The following CSRNP3 variants were observed in gnomAD, a reference collection of about 807,000 sequenced individuals.
CSRNP3 encodes cysteine and serine rich nuclear protein 3.
Under a neutral mutation model 48.0 loss-of-function variants are expected in CSRNP3, and 12 were observed. The ratio of observed to expected loss-of-function variants is 0.25; its 90% CI spans 0.16 to 0.41. The LOEUF (loss-of-function observed/expected upper bound fraction) is 0.41, where lower values mean the gene tolerates loss of function less well. CSRNP3 is among the 10% of genes least tolerant of loss of function. CSRNP3 has a pLI of 1.00. For synonymous variants in CSRNP3, 263 were observed against 269.7 expected (o/e 0.98, Z 0.24); for missense variants, 580 against 724.4 (o/e 0.80, Z 2.29).
intron 3 of CSRNP3, among the ~76,000 whole-genome samples, chr2:165,527,388 G>T (rs1437022214): frequency 6.6e-6 from 1 of 151,660 alleles, no homozygotes; most frequent in African/African-American, 2.4e-5. Flanking sequence ...TGTATTTTTA[G>T]TAGAGACGGC....
chr2:165,508,734 G>A (rs1684461137), intron 2 of CSRNP3, among the ~76,000 whole-genome samples: 2 of 152,054 alleles, frequency 1.3e-5, no homozygotes, highest in South Asian at 4.1e-4. Context: ...TCATTGGACA[G>A]CACCTTATGG....
At chr2:165,627,767 G>A (rs1686462458) in intron 4 of CSRNP3, among the ~76,000 whole-genome samples, 1 of 152,126 alleles carries the variant, frequency 6.6e-6, no homozygotes, top group South Asian at 2.1e-4. Flanking sequence ...TGGTTGAAAA[G>A]ATGTCCTTAT....
At position 165,678,740 on chromosome 2, in the gene CSRNP3, G is replaced by A. The variant is rs777480593; in HGVS notation, c.745G>A (p.Gly249Arg). The A allele has an allele frequency of 6.2e-7, 1 of 1,614,058 alleles. No individual in the cohort carries two copies. The highest frequency in any genetic ancestry group is 8.5e-7 in the Non-Finnish European group (1 of 1,179,988). ...TTTCCCATGCGGCTGCACTAAAGAA[G>A]GATGTAGTAACACAGCAGGTAGAAT... ...MSFPCGCTKE[G>R]CSNTAGRIEF... Residue 249 changes from glycine to arginine, a missense_variant, in exon 7 of 7, where the codon GGA (glycine) becomes AGA (arginine). Coordinates refer to ENST00000651982, the MANE Select transcript of CSRNP3 (RefSeq NM_001172173.2).
intron 4 of CSRNP3, among the ~76,000 whole-genome samples, chr2:165,596,508 A>G (rs1253430313): frequency 6.6e-6 from 1 of 152,232 alleles, no homozygotes; most frequent in Non-Finnish European, 1.5e-5. Flanking sequence ...AAATAAATAT[A>G]GTAAAATCAA....
At chr2:165,482,644 C>T (rs1387716410) in intron 1 of CSRNP3, among the ~76,000 whole-genome samples, 1 of 152,152 alleles carries the variant, frequency 6.6e-6, no homozygotes, top group Non-Finnish European at 1.5e-5. Context: ...TACCTTTCAG[C>T]CCAAAGGGAG....
intron 3 of CSRNP3, among the ~76,000 whole-genome samples, chr2:165,524,286 G>A (rs1311428211): frequency 1.3e-5 from 2 of 151,966 alleles, no homozygotes; most frequent in Admixed American, 6.6e-5. Flanking sequence ...CTACTTGGGG[G>A]AAAATAAGGT....
chr2:165,477,592 C>T (rs1683981635), intron 1 of CSRNP3, among the ~76,000 whole-genome samples: 1 of 149,298 alleles, frequency 6.7e-6, no homozygotes, highest in Non-Finnish European at 1.5e-5. Context: ...TCGCTTGAAC[C>T]CGGGAGGCGG....
intron 4 of CSRNP3, among the ~76,000 whole-genome samples, chr2:165,625,652 A>C (rs1424406390): frequency 6.7e-6 from 1 of 149,730 alleles, no homozygotes; most frequent in Non-Finnish European, 1.5e-5. Flanking sequence ...AAAAGAAAAA[A>C]GAAACGAAAA....
At position 165,676,479 on chromosome 2, in the gene CSRNP3, A is replaced by G; in HGVS notation, c.576A>G (p.Lys192=). Residue 192 remains lysine (K), a synonymous_variant, in exon 6 of 7, where the codon AAA becomes AAG. Transcript: ENST00000651982. Reference sequence around the variant, plus strand: ...CTCTGCTGCGTGCCTCTGGAGTGAAAAAGATTGACGTGGAAGAAAAGCACG... The same window carrying G: ...CTCTGCTGCGTGCCTCTGGAGTGAAGAAGATTGACGTGGAAGAAAAGCACG... ...RRALLRASGV[K]KIDVEEKHEL... is the part of the protein sequence containing the mutation. 1 of 1,614,174 alleles carries G rather than the reference A, an allele frequency of 6.2e-7. No homozygotes were observed. Among genetic ancestry groups the G allele is most frequent in the Non-Finnish European group, 8.5e-7 (1 of 1,180,010 alleles).
chr2:165,654,698 C>T lies in CSRNP3; in HGVS notation c.149-3063C>T, dbSNP rs562810093. On this transcript the variant is annotated intron_variant, in intron 4 of 6. Coordinates refer to ENST00000651982, the MANE Select transcript of CSRNP3 (RefSeq NM_001172173.2). ...AGGCTGGAGTGCAGTGGTGTGATTT[C>T]GGCTCACTGCAACCTCCACCTCTCA... Among the ~76,000 whole-genome samples, 7 of 152,192 alleles carry T rather than the reference C, an allele frequency of 4.6e-5. No homozygotes were observed. The South Asian group carries it at 1.0e-3, about 23-fold the overall frequency.
intron 2 of CSRNP3, among the ~76,000 whole-genome samples, chr2:165,512,843 G>A (rs1031353435): frequency 3.3e-5 from 5 of 152,222 alleles, no homozygotes; most frequent in South Asian, 2.1e-4. Flanking sequence ...GGCGGCTCAC[G>A]CCTGTAATCC....
chr2:165,542,519 G>A (rs543936062), intron 3 of CSRNP3, among the ~76,000 whole-genome samples: 3 of 152,186 alleles, frequency 2.0e-5, no homozygotes, highest in East Asian at 3.9e-4. Context: ...TAGTTTGTGA[G>A]CACCTTCACT....
chr2:165,533,938 C>A (rs1034010077), intron 3 of CSRNP3, among the ~76,000 whole-genome samples: 1 of 151,886 alleles, frequency 6.6e-6, no homozygotes. Context: ...TTCAACATAT[C>A]TGTTACAGAA....
Position 165,682,617 on chromosome 2 carries a change from T to G in CSRNP3, c.*2864T>G, listed in dbSNP as rs972115815. Reference sequence around the variant, plus strand: ...TTGGTAGAGCTGTAGTTTGAAAATATCAGGTCAAAGTTGCAAACATACTTA... The same window carrying G: ...TTGGTAGAGCTGTAGTTTGAAAATAGCAGGTCAAAGTTGCAAACATACTTA... On this transcript the variant is annotated 3_prime_UTR_variant, in exon 7 of 7. Coordinates refer to ENST00000651982, the MANE Select transcript of CSRNP3 (RefSeq NM_001172173.2). 6.6e-6 allele frequency: 1 copy of G among 152,132 alleles called. No homozygotes were observed. The highest frequency in any genetic ancestry group is 1.5e-5 in the Non-Finnish European group (1 of 68,000). 9.4% of individuals were successfully genotyped at this position (152,132 alleles called of 1,614,324 possible). A position where few individuals can be genotyped will look rare whatever the true frequency, so the allele number is the denominator to read the frequency against.
At chr2:165,626,607 C>A (rs547702106) in intron 4 of CSRNP3, among the ~76,000 whole-genome samples, 1 of 152,310 alleles carries the variant, frequency 6.6e-6, no homozygotes, top group Non-Finnish European at 1.5e-5. Context: ...CTATAACATG[C>A]AGTTTCTTTT....
In CSRNP3 at chr2:165,604,659, A is replaced by G. The variant is rs1352419666; in HGVS notation, c.148+9446A>G. Among the ~76,000 whole-genome samples, 3 of 152,214 alleles carry G rather than the reference A, an allele frequency of 2.0e-5. No individual in the cohort carries two copies. The South Asian group carries it at 6.2e-4, about 32-fold the overall frequency. On this transcript the variant is annotated intron_variant, in intron 4 of 6. Coordinates refer to ENST00000651982, the MANE Select transcript of CSRNP3 (RefSeq NM_001172173.2). The stretch of plus-strand genomic sequence containing the variant: ...ATATATAGCTTTACCAGGCAGAAAC[A>G]TCACTGTTTAATTGGATGCTGTGCA...
Position 165,679,484 on chromosome 2 carries a change from A to T in CSRNP3, c.1489A>T (p.Asn497Tyr), listed in dbSNP as rs1687492533. 6.2e-7 allele frequency: 1 copy of T among 1,613,446 alleles called. No individual in the cohort carries two copies. The highest frequency in any genetic ancestry group is 1.3e-5 in the African/African-American group (1 of 74,778). Residue 497 changes from asparagine (N) to tyrosine (Y), a missense_variant, in exon 7 of 7, where the codon AAC (asparagine) becomes TAC (tyrosine). Coordinates refer to ENST00000651982, the MANE Select transcript of CSRNP3 (RefSeq NM_001172173.2). ...TGGTGCCTCCCACTACCCAGCTGCC[A>T]ACCCCTCTGTAATCGTTTGCTGCTC... ...AYGASHYPAANPSVIVCCSSS... is the reference protein window; with the variant it reads ...AYGASHYPAAYPSVIVCCSSS...
chr2:165,596,180 T>C (rs1448211357), intron 4 of CSRNP3, among the ~76,000 whole-genome samples: 1 of 150,616 alleles, frequency 6.6e-6, no homozygotes, highest in Non-Finnish European at 1.5e-5. Flanking sequence ...TCAGCCCTTC[T>C]GTCAGACAAG....
chr2:165,637,446 C>T (rs1686649341), intron 4 of CSRNP3, among the ~76,000 whole-genome samples: 1 of 152,180 alleles, frequency 6.6e-6, no homozygotes, highest in Non-Finnish European at 1.5e-5. Flanking sequence ...TATTTTCAGG[C>T]TCACTATCAT....
Sources: allele counts gnomAD v4.1 joint callset (sites outside exome capture counted in the v4.1 genomes callset), GRCh38; gene constraint gnomAD v4.1.1; transcripts MANE v1.5; gene names NCBI Gene and HGNC (gene_info 2026-07-23, HGNC 2026-07-21).